NCOA1: variants seen among roughly 807,000 people sequenced by gnomAD.
NCOA1 encodes the protein Hin-2 protein.
Under a neutral mutation model 150.9 loss-of-function variants are expected in NCOA1, and 35 were observed. The observed-to-expected ratio is 0.23, with a 90% CI of 0.18 to 0.31. NCOA1 has a LOEUF of 0.31. NCOA1 is among the 10% of genes least tolerant of loss of function. NCOA1 has a pLI of 1.00. For synonymous variants in NCOA1, 590 were observed against 630.0 expected, an observed-to-expected ratio of 0.94 and a Z score of 0.95; for missense variants, 1,491 against 1,749.3, an observed-to-expected ratio of 0.85 and a Z score of 2.63.
intron 1 of NCOA1, among the ~76,000 whole-genome samples, chr2:24,563,752 G>T (rs370066235): frequency 6.6e-6 from 1 of 152,064 alleles, no homozygotes; most frequent in South Asian, 2.1e-4. Flanking sequence ...TCCTGAGCTC[G>T]AGCAATCTGC....
intron 11 of NCOA1, among the ~76,000 whole-genome samples, chr2:24,700,917 A>G (rs1343440098): frequency 6.6e-6 from 1 of 152,234 alleles, no homozygotes; most frequent in African/African-American, 2.4e-5. Flanking sequence ...TAACTAGGAA[A>G]TGATGTTTTA....
chr2:24,662,221 TAGG>T (rs1671215368), intron 5 of NCOA1, among the ~76,000 whole-genome samples: 2 of 152,238 alleles, frequency 1.3e-5, no homozygotes, highest in Admixed American at 6.5e-5. Flanking sequence ...GATCCTTGGA[TAGG>T]AGTTTCTCAG....
At chr2:24,691,367 T>A in intron 8 of NCOA1, 114 bp from the exon 9 acceptor site, 1 of 906,432 alleles carries the variant, frequency 1.1e-6, no homozygotes, top group Non-Finnish European at 1.7e-6. Flanking sequence ...GGTCAGTCTG[T>A]CTTTTAATCT....
intron 1 of NCOA1, among the ~76,000 whole-genome samples, chr2:24,492,679 T>G (rs1047872526): frequency 6.6e-6 from 1 of 152,164 alleles, no homozygotes; most frequent in African/African-American, 2.4e-5. Context: ...AGGTGACATT[T>G]TTTCTTCGGA....
At position 24,665,836 on chromosome 2, in the gene NCOA1, C is replaced by G; in HGVS notation, c.177C>G (p.Ser59Arg). 1 of 1,605,214 alleles carries G rather than the reference C, an allele frequency of 6.2e-7. No homozygotes were observed. Among genetic ancestry groups the G allele is most frequent in the Non-Finnish European group, 8.5e-7 (1 of 1,175,458 alleles). The change falls in exon 6 of 23, where the codon AGC becomes AGG. Residue 59 changes from serine (S) to arginine (R), a missense_variant. Around this residue, in one of 8 missense-constraint regions of NCOA1, gnomAD observed 80 missense variants for 163.0 expected, o/e 0.49. Transcript: ENST00000348332. ...CTGCCAACATTAGTGACATTGACAG[C>G]TTGAGTGTAAAACCAGACAAATGCA... ...LLSANISDIDSLSVKPDKCKI... is the reference protein window; with the variant it reads ...LLSANISDIDRLSVKPDKCKI...
chr2:24,514,996 C>G (rs1019633228), intron 1 of NCOA1, among the ~76,000 whole-genome samples: 2 of 152,000 alleles, frequency 1.3e-5, no homozygotes, highest in Non-Finnish European at 2.9e-5. Context: ...AGTGTGTGAG[C>G]CAGAAGAGTG....
chr2:24,568,417 A>G (rs1205725239), intron 2 of NCOA1, among the ~76,000 whole-genome samples: 1 of 152,112 alleles, frequency 6.6e-6, no homozygotes, highest in Non-Finnish European at 1.5e-5. Flanking sequence ...TCCCTGCTAC[A>G]GTTTTTTTTC....
At chr2:24,742,813 C>T (rs893848724) in intron 19 of NCOA1, among the ~76,000 whole-genome samples, 6 of 152,056 alleles carry the variant, frequency 3.9e-5, no homozygotes, top group Middle Eastern at 3.4e-3. Context: ...ATTCAAAATT[C>T]GCATGTAGTT....
chr2:24,505,159 T>C (rs1046596516), intron 1 of NCOA1, among the ~76,000 whole-genome samples: 1 of 152,074 alleles, frequency 6.6e-6, no homozygotes, highest in South Asian at 2.1e-4. Context: ...CCTTAGACTT[T>C]CTGACTGTAT....
In NCOA1 at chr2:24,706,901, A is replaced by G. The variant is rs951506411; in HGVS notation, c.1431A>G (p.Glu477=). The G allele has an allele frequency of 1.1e-5, 18 of 1,614,082 alleles. No individual in the cohort carries two copies. The highest frequency in any genetic ancestry group is 1.7e-5 in the Admixed American group (1 of 59,996). ...PSLNLNNSPM[E]GTGISLAQFM... is the part of the protein sequence containing the mutation. ...TAAACCTCAATAATTCTCCTATGGAAGGTACAGGAATATCCCTAGCACAGT... is the reference window on the plus strand; with the variant it reads ...TAAACCTCAATAATTCTCCTATGGAGGGTACAGGAATATCCCTAGCACAGT... The change falls in exon 13 of 23, where the codon GAA becomes GAG. Residue 477 remains glutamate, a synonymous_variant. Transcript: ENST00000348332.
At chr2:24,523,924 C>CAAAAAAAAAAAAAA (rs70947825) in intron 1 of NCOA1, among the ~76,000 whole-genome samples, 2 of 49,532 alleles carry the variant, frequency 4.0e-5, no homozygotes, top group East Asian at 7.9e-4. Flanking sequence ...GACTCTGTCT[C>CAAAAAAAAAAAAAA]AAAAAAAAAA....
intron 4 of NCOA1, among the ~76,000 whole-genome samples, chr2:24,655,749 A>G (rs1238399343): frequency 6.6e-6 from 1 of 152,170 alleles, no homozygotes; most frequent in Non-Finnish European, 1.5e-5. Context: ...CTGAATTGAG[A>G]TCTTGGTAAA....
intron 2 of NCOA1, among the ~76,000 whole-genome samples, chr2:24,571,353 G>C (rs1666737472): frequency 6.6e-6 from 1 of 152,170 alleles, no homozygotes; most frequent in Admixed American, 6.5e-5. Flanking sequence ...ATAATTTCTT[G>C]AGTCTGCTGA....
At chr2:24,603,154 A>G (rs997558186) in intron 3 of NCOA1, among the ~76,000 whole-genome samples, 3 of 151,102 alleles carry the variant, frequency 2.0e-5, no homozygotes, top group Non-Finnish European at 4.4e-5. Context: ...ACCGTAGTCT[A>G]TCAAGTGTGC....
intron 3 of NCOA1, among the ~76,000 whole-genome samples, chr2:24,608,461 G>A (rs1015601307): frequency 6.6e-6 from 1 of 151,010 alleles, no homozygotes; most frequent in African/African-American, 2.4e-5. Context: ...TAGAGATGGG[G>A]TTTCACCCTG....
At chr2:24,631,808 G>A (rs1287191072) in intron 3 of NCOA1, among the ~76,000 whole-genome samples, 1 of 152,120 alleles carries the variant, frequency 6.6e-6, no homozygotes, top group Non-Finnish European at 1.5e-5. Context: ...ATGAACTGTT[G>A]CATAGGCCTT....
chr2:24,759,749 C>G (rs1664684789), intron 21 of NCOA1, among the ~76,000 whole-genome samples: 1 of 151,902 alleles, frequency 6.6e-6, no homozygotes, highest in Non-Finnish European at 1.5e-5. Context: ...TATATCACCT[C>G]TATATCACAT....
intron 1 of NCOA1, among the ~76,000 whole-genome samples, chr2:24,513,729 A>T (rs1664033988): frequency 6.6e-6 from 1 of 152,248 alleles, no homozygotes; most frequent in Non-Finnish European, 1.5e-5. Flanking sequence ...CATTACTGTC[A>T]GAGTGTGAGA....
Position 24,765,896 on chromosome 2 carries a change from C to CTTTTTTTTTTTT in NCOA1, c.4156-2317_4156-2306dup, listed in dbSNP as rs773857143. Among the ~76,000 whole-genome samples, 169 of 128,008 alleles carry CTTTTTTTTTTTT rather than the reference C, an allele frequency of 1.3e-3. 4 individuals are homozygous for CTTTTTTTTTTTT. The highest frequency in any genetic ancestry group is 4.0e-3 in the Middle Eastern group (1 of 250). 84.0% of individuals were successfully genotyped at this position (128,008 alleles called of 152,430 possible). On this transcript the variant is annotated intron_variant, in intron 22 of 22. Transcript: ENST00000348332. The stretch of plus-strand genomic sequence containing the variant: ...AGTTTTCTGTAATTTCAATAATACA[C>CTTTTTTTTTTTT]TTTTTTTTTTTTTTTTTTTGAGACG...
Sources: gnomAD v4.1 joint callset for allele counts (sites outside exome capture counted in the v4.1 genomes callset) on GRCh38, gnomAD v4.1.1 for gene constraint, gnomAD v4.1.1 regional missense constraint, MANE v1.5 for transcripts, NCBI Gene and HGNC (gene_info 2026-07-23, HGNC 2026-07-21) for gene names.